SORBS2: variants seen among roughly 807,000 people sequenced by gnomAD.
SORBS2 encodes sorbin and SH3 domain containing 2.
In SORBS2, 46 loss-of-function variants were observed where a neutral mutation model predicts 97.7. The observed-to-expected ratio is 0.47, with a 90% CI of 0.37 to 0.60. The LOEUF is 0.60. Ranked by LOEUF, SORBS2 falls within the 20% of genes least tolerant of loss-of-function variation. SORBS2 has a pLI of 0.00. For missense variants in SORBS2, 1,316 were observed against 1,282.3 expected (o/e 1.03, Z -0.40); for synonymous variants, 476 against 473.4 (o/e 1.01, Z -0.07).
chr4:185,630,664 C>T, intron 4 of SORBS2, 66 bp from the exon 17 acceptor site: 1 of 828,540 alleles, frequency 1.2e-6, no homozygotes, highest in Non-Finnish European at 2.0e-6. Flanking sequence ...CACTTGTCAA[C>T]ATTAAATTAG....
intron 1 of SORBS2, among the ~76,000 whole-genome samples, chr4:185,893,779 G>C (rs895591511): frequency 6.6e-6 from 1 of 152,154 alleles, no homozygotes; most frequent in Non-Finnish European, 1.5e-5. Context: ...AGTGAAGGCA[G>C]GTAAGCCTGG....
At chr4:185,770,593 T>C (rs2098964449) in intron 2 of SORBS2, among the ~76,000 whole-genome samples, 1 of 152,206 alleles carries the variant, frequency 6.6e-6, no homozygotes, top group Non-Finnish European at 1.5e-5. Context: ...AATGACTGTT[T>C]AATCTGCTTA....
chr4:185,658,793 G>T (rs2097455610), upstream of SORBS2, among the ~76,000 whole-genome samples: 1 of 147,322 alleles, frequency 6.8e-6, no homozygotes, highest in Admixed American at 7.0e-5. Flanking sequence ...CGATTCTCCT[G>T]CCTCAGCCTC....
Position 185,751,347 on chromosome 4 carries a change from G to A in SORBS2, c.-198+23880C>T, listed in dbSNP as rs187070228. 3.5e-3 allele frequency among the ~76,000 whole-genome samples: 538 copies of A among 152,122 alleles called. 14 individuals are homozygous for A. Among genetic ancestry groups the A allele is most frequent in the Admixed American group, 0.028 (434 of 15,284 alleles). On this transcript the variant is annotated intron_variant, in intron 2 of 20. Coordinates refer to the SORBS2 transcript ENST00000284776. ...AGATGAGGAAGACCAAGGGCAAACC[G>A]AAACGAGACAGGCTGAGACAAAGCG...
chr4:185,869,416 G>A (rs888065617), intron 1 of SORBS2, among the ~76,000 whole-genome samples: 1 of 152,156 alleles, frequency 6.6e-6, no homozygotes. Flanking sequence ...AGGGCCCACT[G>A]TATGACCCCT....
intron 1 of SORBS2, among the ~76,000 whole-genome samples, chr4:185,857,529 C>T (rs1173731404): frequency 6.6e-6 from 1 of 152,142 alleles, no homozygotes; most frequent in East Asian, 1.9e-4. Context: ...TGAAAAAGAA[C>T]AGAATAACAG....
intron 7 of SORBS2, 51 bp downstream of exon 19, chr4:185,622,863 T>C: frequency 6.6e-7 from 1 of 1,507,672 alleles, no homozygotes; most frequent in Non-Finnish European, 8.9e-7. Context: ...ATGAAAGAGC[T>C]GGAGGGTGGG....
intron 1 of SORBS2, among the ~76,000 whole-genome samples, chr4:185,905,940 C>T (rs150617383): frequency 6.6e-6 from 1 of 152,212 alleles, no homozygotes; most frequent in Non-Finnish European, 1.5e-5. Context: ...AGAGAGGACC[C>T]TCTGCCTCCT....
intron 1 of SORBS2, among the ~76,000 whole-genome samples, chr4:185,784,883 C>G (rs74894172): frequency 0.024 from 3,678 of 152,236 alleles, 155 homozygotes; most frequent in African/African-American, 0.083. Flanking sequence ...AGCCGACATG[C>G]CTAACGCCCC....
At chr4:185,621,207 A>T (rs1244125615) in intron 7 of SORBS2, among the ~76,000 whole-genome samples, 1 of 152,206 alleles carries the variant, frequency 6.6e-6, no homozygotes, top group Admixed American at 6.5e-5. Flanking sequence ...ATAAGAAAAC[A>T]TTGTTTTAGG....
chr4:185,845,448 T>TA (rs1397258622), intron 1 of SORBS2, among the ~76,000 whole-genome samples: 1 of 152,134 alleles, frequency 6.6e-6, no homozygotes, highest in African/African-American at 2.4e-5. Flanking sequence ...TTTGCAACAA[T>TA]AAAAAAATCT....
intron 4 of SORBS2, among the ~76,000 whole-genome samples, chr4:185,676,260 T>C (rs1029801161): frequency 2.9e-4 from 44 of 152,328 alleles, no homozygotes; most frequent in African/African-American, 1.0e-3. Context: ...TCTCATCACA[T>C]AGTAAATGAT....
chr4:185,723,530 C>T (rs948350344), intron 2 of SORBS2, among the ~76,000 whole-genome samples: 1 of 152,156 alleles, frequency 6.6e-6, no homozygotes, highest in African/African-American at 2.4e-5. Flanking sequence ...ACTCAAATAG[C>T]CAGAAAGAGC....
chr4:185,822,772 A>G (rs2099197522), intron 1 of SORBS2, among the ~76,000 whole-genome samples: 1 of 152,218 alleles, frequency 6.6e-6, no homozygotes, highest in Non-Finnish European at 1.5e-5. Context: ...CCTGCAAACC[A>G]TGCCCCTTGC....
intron 1 of SORBS2, among the ~76,000 whole-genome samples, chr4:185,935,675 A>G (rs567475641): frequency 6.6e-6 from 1 of 152,354 alleles, no homozygotes; most frequent in African/African-American, 2.4e-5. Flanking sequence ...CTGTCCAGTT[A>G]AAACCTAGAA....
intron 1 of SORBS2, among the ~76,000 whole-genome samples, chr4:185,904,058 C>T (rs1217552474): frequency 1.3e-5 from 2 of 152,116 alleles, no homozygotes; most frequent in South Asian, 2.1e-4. Context: ...TAGAAACCAC[C>T]GTACATTCAT....
At chr4:185,622,825 C>T in intron 7 of SORBS2, 89 bp downstream of exon 19, 1 of 1,338,464 alleles carries the variant, frequency 7.5e-7, no homozygotes, top group Non-Finnish European at 1.0e-6. Flanking sequence ...TCTCCCAGCT[C>T]GGGAGTGATG....
chr4:185,904,576 G>A (rs960840738), intron 1 of SORBS2, among the ~76,000 whole-genome samples: 1 of 152,206 alleles, frequency 6.6e-6, no homozygotes, highest in African/African-American at 2.4e-5. Flanking sequence ...GTGTTTCCCT[G>A]AAATGCTGAT....
chr4:185,600,935 C>A (rs1263877832), intron 12 of SORBS2, among the ~76,000 whole-genome samples: 1 of 151,756 alleles, frequency 6.6e-6, no homozygotes, highest in Non-Finnish European at 1.5e-5. Flanking sequence ...AGAGTAAGAT[C>A]TTTCATATGA....
Sources: allele counts gnomAD v4.1 joint callset (sites outside exome capture counted in the v4.1 genomes callset), GRCh38; gene constraint gnomAD v4.1.1; transcripts MANE v1.5; gene names NCBI Gene and HGNC (gene_info 2026-07-23, HGNC 2026-07-21).